The following CADPS variants were observed in gnomAD, a reference collection of about 807,000 sequenced individuals.
CADPS encodes the protein calcium dependent secretion activator.
In CADPS, 57 loss-of-function variants were observed where a neutral mutation model predicts 167.3. That is an observed-to-expected ratio of 0.34 (90% CI 0.28 to 0.42). The LOEUF (loss-of-function observed/expected upper bound fraction) is 0.42, where lower values mean the gene tolerates loss of function less well. Ranked by LOEUF, CADPS falls within the 20% of genes least tolerant of loss-of-function variation. CADPS has a pLI of 1.00. For synonymous variants in CADPS, 676 were observed against 635.3 expected, an observed-to-expected ratio of 1.06 and a Z score of -0.96; for missense variants, 1,414 against 1,738.1, an observed-to-expected ratio of 0.81 and a Z score of 3.32.
chr3:62,715,050 T>C (rs1314170552), intron 3 of CADPS, among the ~76,000 whole-genome samples: 1 of 152,188 alleles, frequency 6.6e-6, no homozygotes, highest in African/African-American at 2.4e-5. Flanking sequence ...TGACTATGGG[T>C]GGTTGTTCTT....
chr3:62,627,186 CATTA>C (rs1419302523), intron 6 of CADPS, among the ~76,000 whole-genome samples: 3 of 151,374 alleles, frequency 2.0e-5, no homozygotes, highest in South Asian at 2.1e-4. Context: ...GAAGAGCAAA[CATTA>C]ATTGTCATAT....
chr3:62,609,459 G>T (rs1040293552), intron 6 of CADPS, among the ~76,000 whole-genome samples: 4 of 152,174 alleles, frequency 2.6e-5, no homozygotes, highest in Non-Finnish European at 2.9e-5. Flanking sequence ...TTAAGTGGCA[G>T]AGAGTAAAGC....
At chr3:62,422,214 T>C (rs2051572993) in intron 28 of CADPS, among the ~76,000 whole-genome samples, 1 of 152,194 alleles carries the variant, frequency 6.6e-6, no homozygotes, top group Admixed American at 6.5e-5. Context: ...TATTTGATGG[T>C]GTTCAGAAAC....
At chr3:62,516,554 G>C in intron 15 of CADPS, 26 bp downstream of exon 15, 1 of 1,524,622 alleles carries the variant, frequency 6.6e-7, no homozygotes, top group Non-Finnish European at 9.0e-7. Flanking sequence ...ATATATATGT[G>C]ATCTATCTTT....
Position 62,874,947 on chromosome 3 carries a change from G to T in CADPS, c.83C>A (p.Pro28Gln), listed in dbSNP as rs757218775. Residue 28 changes from proline (P) to glutamine (Q), a missense_variant, in exon 1 of 30, where the codon CCG becomes CAG. Transcript: ENST00000383710. The surrounding 1 kb of genome is among the most constrained non-coding windows in gnomAD (Gnocchi z 7.1). ...ESGKEVLGSAPSGARLSPSRT... is the reference protein window; with the variant it reads ...ESGKEVLGSAQSGARLSPSRT... ...GCTGGGAGACAGGCGCGCGCCGGACGGGGCCGAGCCGAGCACCTCCTTGCC... is the reference window on the plus strand; with the variant it reads ...GCTGGGAGACAGGCGCGCGCCGGACTGGGCCGAGCCGAGCACCTCCTTGCC... The T allele has an allele frequency of 6.5e-7, 1 of 1,545,804 alleles. No homozygotes were observed.
At chr3:62,623,928 T>C (rs557457276) in intron 6 of CADPS, among the ~76,000 whole-genome samples, 52 of 136,864 alleles carry the variant, frequency 3.8e-4, no homozygotes, top group African/African-American at 1.3e-3. Flanking sequence ...TTTGAGAGTA[T>C]CTGTTGACAA....
intron 1 of CADPS, among the ~76,000 whole-genome samples, chr3:62,855,156 G>A (rs2079438091): frequency 7.1e-6 from 1 of 141,518 alleles, no homozygotes; most frequent in Non-Finnish European, 1.5e-5. Context: ...TGTTGCCCAG[G>A]CTGATCTGGA....
intron 6 of CADPS, among the ~76,000 whole-genome samples, chr3:62,633,534 A>G (rs1334800804): frequency 6.6e-6 from 1 of 151,680 alleles, no homozygotes; most frequent in African/African-American, 2.4e-5. Flanking sequence ...CTTGCCCCTC[A>G]CAGGTGCCTT....
chr3:62,853,242 G>T (rs2078980177), intron 1 of CADPS, among the ~76,000 whole-genome samples: 1 of 152,120 alleles, frequency 6.6e-6, no homozygotes, highest in Non-Finnish European at 1.5e-5. Flanking sequence ...AATTCTACCA[G>T]GTCAAGTCAG....
In CADPS at chr3:62,516,082, A is replaced by T; in HGVS notation, c.2558T>A (p.Leu853His). The T allele has an allele frequency of 6.2e-7, 1 of 1,613,226 alleles. No individual in the cohort carries two copies. The highest frequency in any genetic ancestry group is 8.5e-7 in the Non-Finnish European group (1 of 1,179,384). ...EQAALVNYSR[L>H]SEYAKIEENQ... The stretch of plus-strand genomic sequence containing the variant: ...ACCTTCGATTTTGGCATACTCTGAG[A>T]GCCGAGAATAGTTGACTAACGCAGC... Residue 853 changes from leucine (L) to histidine (H), a missense_variant, in exon 16 of 30, where the codon CTC (leucine) becomes CAC (histidine). Physicochemically the swap from Leu to His is moderately conservative, Grantham distance 99 (BLOSUM62 -3). Transcript: ENST00000383710.
chr3:62,774,057 G>C (rs902880417), intron 1 of CADPS, among the ~76,000 whole-genome samples: 4 of 152,008 alleles, frequency 2.6e-5, no homozygotes, highest in Non-Finnish European at 5.9e-5. Context: ...AGATGGGATT[G>C]TCCCAACCAA....
chr3:62,604,815 C>T (rs1477032173), intron 6 of CADPS, among the ~76,000 whole-genome samples: 1 of 152,214 alleles, frequency 6.6e-6, no homozygotes, highest in African/African-American at 2.4e-5. Context: ...TCTGTTTATT[C>T]TTAGTTCCTG....
At chr3:62,738,810 T>C (rs1427882823) in intron 3 of CADPS, among the ~76,000 whole-genome samples, 2 of 152,202 alleles carry the variant, frequency 1.3e-5, no homozygotes, top group Non-Finnish European at 2.9e-5. Flanking sequence ...TAATTCCATG[T>C]TATATGTAGT....
intron 3 of CADPS, among the ~76,000 whole-genome samples, chr3:62,740,576 A>T (rs2079999117): frequency 6.6e-6 from 1 of 152,154 alleles, no homozygotes; most frequent in African/African-American, 2.4e-5. Context: ...CAATTTCTTC[A>T]TCATTCAAAC....
In CADPS at chr3:62,533,072, A is replaced by G. The variant is rs1406979606; in HGVS notation, c.2104-14T>C. On this transcript the variant is annotated splice_polypyrimidine_tract_variant and intron_variant, in intron 12 of 29. Coordinates refer to ENST00000383710, the MANE Select transcript of CADPS (RefSeq NM_003716.4). ...ACTGAACCAGCCCTATATAAAGAAT[A>G]AAGGAGAGACTTTCTTTTAAATACA... The G allele has an allele frequency of 2.5e-6, 4 of 1,605,060 alleles. No homozygotes were observed. The highest frequency in any genetic ancestry group is 3.4e-6 in the Non-Finnish European group (4 of 1,173,270).
At chr3:62,617,750 A>T (rs904828999) in intron 6 of CADPS, among the ~76,000 whole-genome samples, 5 of 152,120 alleles carry the variant, frequency 3.3e-5, no homozygotes, top group Middle Eastern at 3.2e-3. Context: ...GCTGGTGGTT[A>T]TGGAGGGTGG....
chr3:62,792,843 C>T (rs1348147189), intron 1 of CADPS, among the ~76,000 whole-genome samples: 1 of 152,140 alleles, frequency 6.6e-6, no homozygotes, highest in Non-Finnish European at 1.5e-5. Flanking sequence ...GGTGATCCTC[C>T]TACCTTAACT....
intron 8 of CADPS, among the ~76,000 whole-genome samples, chr3:62,578,373 G>A (rs1486731659): frequency 1.3e-5 from 2 of 151,980 alleles, no homozygotes; most frequent in African/African-American, 2.4e-5. Context: ...CACTTTGGGA[G>A]GCTGAGGCAG....
intron 13 of CADPS, among the ~76,000 whole-genome samples, chr3:62,522,095 CTCTATCTATCTATCTATCTATCTA>C (rs3074258): frequency 6.3e-5 from 9 of 143,960 alleles, no homozygotes; most frequent in Admixed American, 1.4e-4. Flanking sequence ...ATCCTCAAAG[CTCTATCTATCTATCTATCTATCTA>C]TCTATCTATC....
Sources: gnomAD v4.1 joint callset for allele counts (sites outside exome capture counted in the v4.1 genomes callset) on GRCh38, gnomAD v4.1.1 for gene constraint, Gnocchi (gnomAD v3.1) non-coding constraint, MANE v1.5 for transcripts, NCBI Gene and HGNC (gene_info 2026-07-23, HGNC 2026-07-21) for gene names.